The following KLF13 variants were observed in gnomAD, a reference collection of about 807,000 sequenced individuals.
KLF13 encodes Krueppel-like factor 13.
In KLF13, 8 loss-of-function variants were observed where a neutral mutation model predicts 16.7. That is an observed-to-expected ratio of 0.48 (90% CI 0.28 to 0.87). The LOEUF (loss-of-function observed/expected upper bound fraction) is 0.87, where lower values mean the gene tolerates loss of function less well. Among genes scored for constraint, KLF13 ranks in the 40% least tolerant of loss-of-function variants. The pLI is 0.10. For synonymous variants in KLF13, 245 were observed against 208.4 expected, an observed-to-expected ratio of 1.18 and a Z score of -1.51; for missense variants, 447 against 452.2, an observed-to-expected ratio of 0.99 and a Z score of 0.10.
chr15:31,354,095 C>A (rs543580426), intron 1 of KLF13, among the ~76,000 whole-genome samples: 3 of 152,360 alleles, frequency 2.0e-5, no homozygotes, highest in Non-Finnish European at 2.9e-5. Flanking sequence ...AATCCCTACC[C>A]AGCTTGGCCC....
upstream of KLF13, among the ~76,000 whole-genome samples, chr15:31,392,417 G>T (rs903931865): frequency 4.6e-5 from 7 of 152,264 alleles, no homozygotes; most frequent in African/African-American, 1.7e-4. Context: ...GCTGAGCCTC[G>T]AGCCGCCCAG....
intron 1 of KLF13, among the ~76,000 whole-genome samples, chr15:31,421,844 T>G (rs1301043399): frequency 6.6e-6 from 1 of 152,162 alleles, no homozygotes; most frequent in Non-Finnish European, 1.5e-5. Context: ...CCGAGCGCGG[T>G]GGCTCACACA....
chr15:31,423,139 G>GTATATATGTATATATATACGTATA (rs1491468052), intron 1 of KLF13, among the ~76,000 whole-genome samples: 3 of 15,156 alleles, frequency 2.0e-4, no homozygotes, highest in African/African-American at 1.8e-3. Context: ...ATACGTATAC[G>GTATATATGTATATATATACGTATA]TATACGTATA....
chr15:31,335,455 GTGTGTGTGTGTGTGTGTGTGTA>G (rs1237120442), intron 1 of KLF13, among the ~76,000 whole-genome samples: 13 of 95,060 alleles, frequency 1.4e-4, no homozygotes, highest in South Asian at 4.2e-4. Flanking sequence ...GTGTGTGTGT[GTGTGTGTGTGTGTGTGTGTGTA>G]TGGTGGCGGG....
chr15:31,391,864 T>C (rs2039876138), upstream of KLF13, among the ~76,000 whole-genome samples: 1 of 152,058 alleles, frequency 6.6e-6, no homozygotes, highest in Non-Finnish European at 1.5e-5. Flanking sequence ...AGTAAGTTCC[T>C]GGAATTCGTG....
chr15:31,420,852 C>G (rs2040314010), intron 1 of KLF13, among the ~76,000 whole-genome samples: 1 of 152,020 alleles, frequency 6.6e-6, no homozygotes, highest in Non-Finnish European at 1.5e-5. Context: ...GCCACCATGC[C>G]CGGCTAATTT....
At chr15:31,379,672 A>G (rs146091769), downstream of KLF13, among the ~76,000 whole-genome samples, 1,900 of 152,202 alleles carry the variant, frequency 0.012, 45 homozygotes, top group African/African-American at 0.044. Flanking sequence ...CGTGTAGCAC[A>G]TTTTCTTCTC....
chr15:31,378,823 G>C (rs984538296), downstream of KLF13, among the ~76,000 whole-genome samples: 1 of 152,180 alleles, frequency 6.6e-6, no homozygotes, highest in South Asian at 2.1e-4. Flanking sequence ...AGGTTCGAAC[G>C]ATTCTTCTGC....
rs113416068 is a variant in KLF13, at chr15:31,364,125, G to A, written c.578-7885G>A. ...AACTGTGTTGAATCCTGGTGGTCTC[G>A]TTTCCCCCACGTCATTGTTTTGCAG... On this transcript the variant is annotated intron_variant, in intron 1 of 1. Coordinates refer to ENST00000307145, the MANE Select transcript of KLF13 (RefSeq NM_015995.4). Among the ~76,000 whole-genome samples, 285 of 138,520 alleles carry A rather than the reference G, an allele frequency of 2.1e-3. 1 individual carries two copies. Among genetic ancestry groups the A allele is most frequent in the African/African-American group, 7.1e-3 (262 of 36,864 alleles). 90.9% of individuals were successfully genotyped at this position (138,520 alleles called of 152,430 possible).
At chr15:31,421,548 T>C (rs1186950658) in intron 1 of KLF13, among the ~76,000 whole-genome samples, 4 of 152,164 alleles carry the variant, frequency 2.6e-5, no homozygotes, top group Non-Finnish European at 5.9e-5. Flanking sequence ...GTAATTGATA[T>C]TAAGTTTTTG....
intron 2 of KLF13, among the ~76,000 whole-genome samples, chr15:31,401,133 T>C (rs1050550223): frequency 1.3e-5 from 2 of 152,088 alleles, no homozygotes; most frequent in African/African-American, 4.8e-5. Context: ...ACCAAGTAGC[T>C]GGGATTACAG....
rs574161518 is a variant in KLF13, at chr15:31,359,001, A to C, written c.578-13009A>C. On this transcript the variant is annotated intron_variant, in intron 1 of 1. Coordinates refer to ENST00000307145, the MANE Select transcript of KLF13 (RefSeq NM_015995.4). ...ATGCTTCTGGCTTCCCCTGGGAGGC[A>C]GCTAGTGATGAGGGTCTCACAATGG... 7.2e-5 allele frequency among the ~76,000 whole-genome samples: 11 copies of C among 152,348 alleles called. No homozygotes were observed. In the South Asian group the frequency reaches 1.0e-3, roughly 14 times the overall value.
chr15:31,363,323 T>G (rs2140958549), intron 1 of KLF13, among the ~76,000 whole-genome samples: 1 of 152,370 alleles, frequency 6.6e-6, no homozygotes, highest in African/African-American at 2.4e-5. Context: ...CTGTTGGATA[T>G]TTTTCTTTTT....
At chr15:31,337,617 G>A (rs918334814) in intron 1 of KLF13, among the ~76,000 whole-genome samples, 7 of 152,212 alleles carry the variant, frequency 4.6e-5, no homozygotes, top group East Asian at 1.9e-4. Flanking sequence ...GCTGTATGGT[G>A]TAGCCTCTTG....
At position 31,423,133 on chromosome 15, in the gene KLF13, G is replaced by GTATATA. The variant is rs771153714; in HGVS notation, n.118-12233_118-12232insTATATA. ...TATACGTATATATACGTATATATAC[G>GTATATA]TATACGTATACGTATATATACGTAT... On this transcript the variant is annotated intron_variant and non_coding_transcript_variant, in intron 1 of 1. Coordinates refer to the KLF13 transcript ENST00000558225. Among the ~76,000 whole-genome samples the GTATATA allele has an allele frequency of 2.0e-4, 19 of 95,646 alleles. 1 individual carries two copies. Among genetic ancestry groups the GTATATA allele is most frequent in the African/African-American group, 7.8e-4 (12 of 15,406 alleles). 62.7% of individuals were successfully genotyped at this position (95,646 alleles called of 152,430 possible).
At chr15:31,399,535 T>G (rs550946853) in intron 2 of KLF13, among the ~76,000 whole-genome samples, 1 of 152,354 alleles carries the variant, frequency 6.6e-6, no homozygotes, top group East Asian at 1.9e-4. Context: ...AGAGCCATCC[T>G]GCCCACACAG....
exon 3 of KLF13, chr15:31,403,564 T>A (rs1362717259): frequency 6.6e-6 from 1 of 152,218 alleles, no homozygotes; most frequent in African/African-American, 2.4e-5. Flanking sequence ...CTGGCTGAAG[T>A]GTGGACATGA....
chr15:31,417,235 T>G (rs1028060944), intron 1 of KLF13, among the ~76,000 whole-genome samples: 27 of 152,244 alleles, frequency 1.8e-4, no homozygotes, highest in African/African-American at 6.0e-4. Flanking sequence ...GGCTCATGGC[T>G]GTAATCCCCA....
intron 1 of KLF13, among the ~76,000 whole-genome samples, chr15:31,358,522 C>G (rs2140954285): frequency 6.6e-6 from 1 of 152,322 alleles, no homozygotes; most frequent in African/African-American, 2.4e-5. Flanking sequence ...CACCTTTTCA[C>G]ACAGTTGTTT....
Sources: gnomAD v4.1 joint callset for allele counts (sites outside exome capture counted in the v4.1 genomes callset) on GRCh38, gnomAD v4.1.1 for gene constraint, MANE v1.5 for transcripts, NCBI Gene and HGNC (gene_info 2026-07-23, HGNC 2026-07-21) for gene names.